IGF2R: variants seen among roughly 807,000 people sequenced by gnomAD.
The protein encoded by IGF2R is cation-independent mannose-6-phosphate receptor.
A neutral mutation model predicts 270.6 loss-of-function variants in IGF2R; 91 were observed. The observed-to-expected ratio is 0.34, with a 90% confidence interval of 0.28 to 0.40. IGF2R has a LOEUF of 0.40. Ranked by LOEUF, IGF2R falls within the 10% of genes least tolerant of loss-of-function variation. The pLI is 1.00. For missense variants in IGF2R, 2,805 were observed against 3,188.3 expected, an observed-to-expected ratio of 0.88 and a Z score of 2.90; for synonymous variants, 1,316 against 1,258.9, an observed-to-expected ratio of 1.05 and a Z score of -0.96.
intron 39 of IGF2R, among the ~76,000 whole-genome samples, chr6:160,081,915 C>T (rs1778990860): frequency 6.6e-6 from 1 of 152,188 alleles, no homozygotes. Context: ...TGTTCAAACA[C>T]ACATGCTTTA....
chr6:159,986,893 T>C (rs1242450015), intron 1 of IGF2R, among the ~76,000 whole-genome samples: 2 of 152,228 alleles, frequency 1.3e-5, no homozygotes, highest in African/African-American at 4.8e-5. Flanking sequence ...AATAGTTTCC[T>C]AATTCTGGCT....
chr6:160,013,362 C>G (rs1784367675), intron 4 of IGF2R, among the ~76,000 whole-genome samples: 2 of 146,248 alleles, frequency 1.4e-5, no homozygotes, highest in South Asian at 4.3e-4. Context: ...GCCACAGAGA[C>G]CTATGTGACC....
At chr6:160,055,866 G>A (rs1778304266) in intron 19 of IGF2R, among the ~76,000 whole-genome samples, 4 of 152,138 alleles carry the variant, frequency 2.6e-5, no homozygotes, top group Admixed American at 2.6e-4. Flanking sequence ...GCTCTTTGGG[G>A]GAGCTTTTTA....
chr6:159,976,656 T>C (rs183054650), intron 1 of IGF2R, among the ~76,000 whole-genome samples: 4 of 152,322 alleles, frequency 2.6e-5, no homozygotes, highest in South Asian at 2.1e-4. Flanking sequence ...CTTTTTTTTT[T>C]CTCCATATTT....
At chr6:159,988,383 T>C (rs10806724) in intron 1 of IGF2R, among the ~76,000 whole-genome samples, 63,051 of 151,456 alleles carry the variant, frequency 0.42, 13,502 homozygotes, top group East Asian at 0.7. Flanking sequence ...GGTGTGGTGG[T>C]GGGTGCCTGT....
At chr6:160,063,389 C>G in intron 26 of IGF2R, 26 bp from the exon 27 acceptor site, 2 of 1,569,108 alleles carry the variant, frequency 1.3e-6, no homozygotes, top group Non-Finnish European at 1.8e-6. Context: ...TTGCAGTTGC[C>G]CTTCACTTCT....
At chr6:160,007,168 T>C (rs1562340643) in intron 2 of IGF2R, 1 of 152,246 alleles carries the variant, frequency 6.6e-6, no homozygotes, top group Non-Finnish European at 1.5e-5. Flanking sequence ...TTTGCTCTTC[T>C]GAAGAGCATG....
At chr6:160,086,063 C>T (rs1421108412) in intron 41 of IGF2R, among the ~76,000 whole-genome samples, 1 of 152,248 alleles carries the variant, frequency 6.6e-6, no homozygotes, top group African/African-American at 2.4e-5. Flanking sequence ...TCCCCAACTT[C>T]AGCCAACTGA....
chr6:160,033,343 C>T (rs1360519211), intron 9 of IGF2R, among the ~76,000 whole-genome samples: 1 of 152,206 alleles, frequency 6.6e-6, no homozygotes, highest in Non-Finnish European at 1.5e-5. Context: ...TGCCATGTTG[C>T]CCACGCTGAT....
At chr6:160,074,829 C>T (rs1306970073) in intron 35 of IGF2R, among the ~76,000 whole-genome samples, 2 of 152,140 alleles carry the variant, frequency 1.3e-5, no homozygotes, top group African/African-American at 4.8e-5. Context: ...TCGGCCACAG[C>T]CTGAATTAGC....
chr6:160,080,082 C>T (rs201727346), intron 38 of IGF2R, 47 bp from the exon 39 acceptor site: 1 of 1,602,406 alleles, frequency 6.2e-7, no homozygotes, highest in Non-Finnish European at 8.5e-7. Context: ...GTGATTGTGC[C>T]TGGCGAGGCA....
rs151194150 is a variant in IGF2R, at chr6:160,073,209, G to A, written c.4691-4G>A. On this transcript the variant is annotated splice_polypyrimidine_tract_variant and splice_region_variant and intron_variant, in intron 33 of 47. Coordinates refer to ENST00000356956, the MANE Select transcript of IGF2R (RefSeq NM_000876.4). ...GTTTTCTCCGCCTTTCCCTTGTGGT[G>A]CAGGGGCCTGCTTTGGACAGACCAG... 130 of 1,613,188 alleles carry A rather than the reference G, an allele frequency of 8.1e-5. No individual in the cohort carries two copies. The African/African-American group carries it at 1.4e-3, about 18-fold the overall frequency.
Position 160,027,309 on chromosome 6 carries a change from G to A in IGF2R, c.771G>A (p.Lys257=). 6.2e-7 allele frequency: 1 copy of A among 1,612,684 alleles called. No individual in the cohort carries two copies. Among genetic ancestry groups the A allele is most frequent in the South Asian group, 1.1e-5 (1 of 90,910 alleles). The change falls in exon 6 of 48, where the codon AAG becomes AAA. Residue 257 remains lysine, a synonymous_variant. Coordinates refer to ENST00000356956, the MANE Select transcript of IGF2R (RefSeq NM_000876.4). ...QPRDGLKLVR[K]DRLVLSYVRE... The stretch of plus-strand genomic sequence containing the variant: ...GGGACGGACTGAAGCTGGTGCGCAA[G>A]GACAGGTCAGTCAAGGCCTCCGATG...
At position 160,046,650 on chromosome 6, in the gene IGF2R, G is replaced by A; in HGVS notation, c.2051+5G>A. Reference sequence around the variant, plus strand: ...AGCCTGCCAGGTGGCAAAAAGGCAAGTAGCTTCTCAGTTCTGTTTCATTCT... The same window carrying A: ...AGCCTGCCAGGTGGCAAAAAGGCAAATAGCTTCTCAGTTCTGTTTCATTCT... On this transcript the variant is annotated splice_donor_5th_base_variant and intron_variant, in intron 15 of 47. Transcript: ENST00000356956. 1 of 1,611,334 alleles carries A rather than the reference G, an allele frequency of 6.2e-7. No individual in the cohort carries two copies. Among genetic ancestry groups the A allele is most frequent in the East Asian group, 2.2e-5 (1 of 44,864 alleles).
At chr6:160,041,567 C>T (rs1777946547) in intron 11 of IGF2R, among the ~76,000 whole-genome samples, 1 of 152,150 alleles carries the variant, frequency 6.6e-6, no homozygotes, top group Admixed American at 6.5e-5. Context: ...TGTAACAAAC[C>T]TGCACGTTCT....
intron 32 of IGF2R, 24 bp downstream of exon 32, chr6:160,072,060 AC>A: frequency 1.2e-6 from 2 of 1,613,466 alleles, no homozygotes; most frequent in South Asian, 2.2e-5. Context: ...CCAGTCGTTA[AC>A]CCCAGCGCAG....
intron 35 of IGF2R, among the ~76,000 whole-genome samples, chr6:160,074,698 G>A (rs1778818679): frequency 6.6e-6 from 1 of 152,196 alleles, no homozygotes; most frequent in Non-Finnish European, 1.5e-5. Flanking sequence ...CTGTATTTCT[G>A]TCTGTATCAT....
At chr6:160,088,657 GAA>G in intron 42 of IGF2R, among the ~76,000 whole-genome samples, 1 of 152,178 alleles carries the variant, frequency 6.6e-6, no homozygotes, top group Non-Finnish European at 1.5e-5. Flanking sequence ...GCTGAGTTTG[GAA>G]AAGGGGTGAC....
At chr6:160,081,410 A>G (rs1298272779) in intron 39 of IGF2R, among the ~76,000 whole-genome samples, 2 of 152,204 alleles carry the variant, frequency 1.3e-5, no homozygotes, top group Non-Finnish European at 2.9e-5. Context: ...CATGGAGATC[A>G]CATGCTTCAA....
Sources: gnomAD v4.1 joint callset for allele counts (sites outside exome capture counted in the v4.1 genomes callset) on GRCh38, gnomAD v4.1.1 for gene constraint, MANE v1.5 for transcripts, NCBI Gene and HGNC (gene_info 2026-07-23, HGNC 2026-07-21) for gene names.